Variants in RCCD1 observed in about 807,000 individuals in gnomAD.
The protein encoded by RCCD1 is RCC1 domain containing 1.
In RCCD1, 40 loss-of-function variants were observed where a neutral mutation model predicts 37.6. That is an observed-to-expected ratio of 1.06 (90% CI 0.83 to 1.39). The LOEUF is 1.39. Ranked by LOEUF, RCCD1 falls within the 40% of genes most tolerant of loss-of-function variation. The pLI, the probability that RCCD1 is intolerant of heterozygous loss-of-function variation, is 0.00. For missense variants in RCCD1, 577 were observed against 517.3 expected (o/e 1.12, Z -1.12); for synonymous variants, 263 against 230.0 (o/e 1.14, Z -1.30).
chr15:90,959,530 A>T (rs1215797428), intron 4 of RCCD1, among the ~76,000 whole-genome samples: 1 of 152,096 alleles, frequency 6.6e-6, no homozygotes, highest in East Asian at 1.9e-4. Flanking sequence ...CAAGTGATCT[A>T]CCCATCTCAG....
rs569783980 is a variant in RCCD1, at chr15:90,957,064, C to G, written c.167-49C>G. 2.2e-5 allele frequency: 29 copies of G among 1,309,192 alleles called. 1 individual carries two copies. The highest frequency in any genetic ancestry group is 8.1e-5 in the Admixed American group (2 of 24,676). 81.1% of individuals were successfully genotyped at this position (1,309,192 alleles called of 1,614,324 possible). A position where few individuals can be genotyped will look rare whatever the true frequency, so the allele number is the denominator to read the frequency against. ...CTTCCCAGGAACACCCCGCTCCCCC[C>G]ATCCCCGCCGCCTCCATTCTGGCCA... On this transcript the variant is annotated intron_variant, in intron 2 of 7. Transcript: ENST00000394258.
intron 4 of RCCD1, 183 bp from the exon 5 acceptor site, chr15:90,959,717 C>G: frequency 4.1e-6 from 2 of 486,384 alleles, no homozygotes; most frequent in African/African-American, 3.9e-5. Context: ...GATCTGAAGG[C>G]ATTGAGGGGA....
intron 4 of RCCD1, 124 bp from the exon 5 acceptor site, chr15:90,959,776 T>C: frequency 2.9e-6 from 2 of 686,186 alleles, no homozygotes; most frequent in Non-Finnish European, 4.9e-6. Context: ...CGCCTTGGCC[T>C]GGAGTGCTAC....
In RCCD1 at chr15:90,961,673, T is replaced by G. The variant is rs2037317349; in HGVS notation, c.1035T>G (p.Arg345=). The G allele has an allele frequency of 6.2e-7, 1 of 1,613,984 alleles. No homozygotes were observed. Among genetic ancestry groups the G allele is most frequent in the Non-Finnish European group, 8.5e-7 (1 of 1,180,010 alleles). ...EDTTSLDRPR[R]VEYFVDKQLQ... is the part of the protein sequence containing the mutation. The stretch of plus-strand genomic sequence containing the variant: ...CCACCAGCTTGGATCGGCCTCGCCG[T>G]GTGGAATACTTTGTAGATAAGCAAC... The change falls in exon 8 of 8, where the codon CGT becomes CGG. Residue 345 remains arginine, a synonymous_variant. Coordinates refer to ENST00000394258, the MANE Select transcript of RCCD1 (RefSeq NM_001017919.2).
chr15:90,959,974 G>C lies in RCCD1; in HGVS notation c.754G>C (p.Asp252His). 6.2e-7 allele frequency: 1 copy of C among 1,613,624 alleles called. No homozygotes were observed. Among genetic ancestry groups the C allele is most frequent in the Non-Finnish European group, 8.5e-7 (1 of 1,179,818 alleles). The stretch of plus-strand genomic sequence containing the variant: ...CCTGCCCACCAGGAACCTGGCAGAG[G>C]ATGGAGAGACTGTCGCAAGGGAAGG... The part of the protein sequence containing the change: ...LALPTRNLAE[D>H]GETVAREATE... Residue 252 changes from aspartate to histidine, a missense_variant, in exon 5 of 8, where the codon GAT (aspartate) becomes CAT (histidine). Physicochemically the swap from Asp to His is moderately conservative, Grantham distance 81. Transcript: ENST00000394258.
At chr15:90,960,928 T>G (rs142009732) in intron 6 of RCCD1, 97 bp from the exon 7 acceptor site, 3 of 1,110,210 alleles carry the variant, frequency 2.7e-6, no homozygotes, top group African/African-American at 3.1e-5. Flanking sequence ...CTCATGAGGA[T>G]TGTAATATGC....
chr15:90,955,803 C>T (rs530417528), intron 1 of RCCD1: 1 of 151,954 alleles, frequency 6.6e-6, no homozygotes, highest in Admixed American at 6.6e-5. Flanking sequence ...CGGTTAGCTC[C>T]TTGGGAGCAG....
rs372964826 is a variant in RCCD1, at chr15:90,960,690, C to T, written c.949+192C>T. On this transcript the variant is annotated intron_variant, in intron 6 of 7. Coordinates refer to ENST00000394258, the MANE Select transcript of RCCD1 (RefSeq NM_001017919.2). ...GCCTGTCAGGCCCAGAAGTTTCTTCCTTCTGGTGGGAGGCTGATGCTTTCT... is the reference window on the plus strand; with the variant it reads ...GCCTGTCAGGCCCAGAAGTTTCTTCTTTCTGGTGGGAGGCTGATGCTTTCT... The T allele has an allele frequency of 5.4e-4, 342 of 628,644 alleles. 5 individuals are homozygous for T. In the South Asian group the frequency reaches 6.6e-3, roughly 12 times the overall value. 38.9% of individuals were successfully genotyped at this position (628,644 alleles called of 1,614,324 possible). A position where few individuals can be genotyped will look rare whatever the true frequency, so the allele number is the denominator to read the frequency against.
In RCCD1 at chr15:90,961,946, A is replaced by C; in HGVS notation, c.*177A>C. The C allele has an allele frequency of 2.1e-6, 1 of 482,422 alleles. No individual in the cohort carries two copies. The allele number at this position is 482,422 out of a possible 1,614,324, so 29.9% of individuals were successfully genotyped here. On this transcript the variant is annotated 3_prime_UTR_variant, in exon 8 of 8. Coordinates refer to ENST00000394258, the MANE Select transcript of RCCD1 (RefSeq NM_001017919.2). The stretch of plus-strand genomic sequence containing the variant: ...TAGAAACACCTGGAGAGCATTGAAA[A>C]CTCTGCTGCCTAAGGTCAGCATCAA...
chr15:90,960,882 T>C, intron 6 of RCCD1, 143 bp from the exon 7 acceptor site: 2 of 819,230 alleles, frequency 2.4e-6, no homozygotes, highest in Non-Finnish European at 4.2e-6. Context: ...GATCAGCCAG[T>C]TGTTAAGAGA....
rs761826745 is a variant in RCCD1, at chr15:90,957,600, T to C, written c.558-4T>C. 49 of 1,613,886 alleles carry C rather than the reference T, an allele frequency of 3.0e-5. 1 individual carries two copies. The Admixed American group carries it at 6.7e-4, about 22-fold the overall frequency. On this transcript the variant is annotated splice_region_variant and splice_polypyrimidine_tract_variant and intron_variant, in intron 3 of 7. Coordinates refer to ENST00000394258, the MANE Select transcript of RCCD1 (RefSeq NM_001017919.2). Reference sequence around the variant, plus strand: ...TGTAGCTGACGACGGTCTCCCTTGCTCAGGCATGGACAGCTGGGCCATGGG... The same window carrying C: ...TGTAGCTGACGACGGTCTCCCTTGCCCAGGCATGGACAGCTGGGCCATGGG...
At chr15:90,958,009 A>G (rs1320110236) in intron 4 of RCCD1, among the ~76,000 whole-genome samples, 1 of 152,194 alleles carries the variant, frequency 6.6e-6, no homozygotes, top group East Asian at 1.9e-4. Flanking sequence ...GTCTCTTAAC[A>G]GTGCTGCCGA....
chr15:90,961,564 AAGC>A (rs376692205), intron 7 of RCCD1, 51 bp from the exon 8 acceptor site: 2 of 1,562,620 alleles, frequency 1.3e-6, no homozygotes, highest in East Asian at 2.3e-5. Context: ...CCTGGAGGGA[AAGC>A]AGCAGCAAGA....
intron 1 of RCCD1, chr15:90,955,463 C>T (rs1278627630): frequency 6.6e-6 from 1 of 152,356 alleles, no homozygotes; most frequent in East Asian, 1.9e-4. Context: ...GTCAGAGGCC[C>T]CCTTGGGTTG....
intron 4 of RCCD1, among the ~76,000 whole-genome samples, chr15:90,957,942 C>A (rs544139035): frequency 2.0e-5 from 3 of 152,370 alleles, no homozygotes. Context: ...CCTAGCTTCT[C>A]TGTTACTGGT....
rs1021095728 is a variant in RCCD1 at position 90,957,157 on chromosome 15, G to A, written c.211G>A (p.Gly71Ser). The change falls in exon 3 of 8, where the codon GGC becomes AGC. Residue 71 changes from glycine to serine, a missense_variant. Coordinates refer to ENST00000394258, the MANE Select transcript of RCCD1 (RefSeq NM_001017919.2). Reference protein sequence around the residue: ...ELSGSASGAAGRCKDAWASEG... With the variant: ...ELSGSASGAASRCKDAWASEG... ...GTCGGGCTCAGCCAGCGGCGCGGCG[G>A]GCCGCTGCAAGGACGCGTGGGCCTC... is the stretch of plus-strand genomic sequence containing the variant. The A allele has an allele frequency of 2.2e-6, 3 of 1,363,712 alleles. No individual in the cohort carries two copies. Among genetic ancestry groups the A allele is most frequent in the Admixed American group, 3.9e-5 (1 of 25,934 alleles). 84.5% of individuals were successfully genotyped at this position (1,363,712 alleles called of 1,614,324 possible).
At chr15:90,960,833 G>A (rs979784947) in intron 6 of RCCD1, 192 bp from the exon 7 acceptor site, 27 of 683,474 alleles carry the variant, frequency 4.0e-5, no homozygotes, top group East Asian at 8.1e-5. Flanking sequence ...AGGAAGATCC[G>A]CCACTTTTTC....
At chr15:90,960,854 C>G (rs992514790) in intron 6 of RCCD1, 171 bp from the exon 7 acceptor site, 1 of 726,474 alleles carries the variant, frequency 1.4e-6, no homozygotes, top group Non-Finnish European at 2.5e-6. Context: ...CCTCGGGATC[C>G]TCTGCCATGC....
intron 4 of RCCD1, among the ~76,000 whole-genome samples, chr15:90,958,680 T>A (rs2037253491): frequency 6.9e-6 from 1 of 145,230 alleles, no homozygotes; most frequent in Non-Finnish European, 1.5e-5. Flanking sequence ...CTCCACACCA[T>A]ATTCTCATGG....
Sources: allele counts gnomAD v4.1 joint callset (sites outside exome capture counted in the v4.1 genomes callset), GRCh38; gene constraint gnomAD v4.1.1; transcripts MANE v1.5; gene names NCBI Gene and HGNC (gene_info 2026-07-23, HGNC 2026-07-21).